CRACD: variants seen among roughly 807,000 people sequenced by gnomAD.
CRACD encodes capping protein inhibiting regulator of actin dynamics.
CRACD carries 56 observed loss-of-function variants against 106.8 expected under a neutral mutation model. The observed-to-expected ratio is 0.52, with a 90% confidence interval of 0.42 to 0.66. CRACD has a LOEUF of 0.66. Among genes scored for constraint, CRACD ranks in the 30% least tolerant of loss-of-function variants. The pLI, the probability that CRACD is intolerant of heterozygous loss-of-function variation, is 0.00. For missense variants in CRACD, 1,730 were observed against 1,623.2 expected (o/e 1.07, Z -1.13); for synonymous variants, 754 against 670.8 (o/e 1.12, Z -1.92).
chr4:56,284,292 T>TAAAAAAAAAAA (rs59270238), intron 3 of CRACD, among the ~76,000 whole-genome samples: 6 of 45,474 alleles, frequency 1.3e-4, no homozygotes, highest in African/African-American at 2.8e-4. Context: ...CATCCTAAAG[T>TAAAAAAAAAAA]AAAAAAAAAA....
intron 1 of CRACD, among the ~76,000 whole-genome samples, chr4:56,172,035 T>TTTTTTTTTTTTC (rs1736391238): frequency 6.8e-6 from 1 of 146,996 alleles, no homozygotes; most frequent in Admixed American, 6.8e-5. Flanking sequence ...TTTTTTTTTT[T>TTTTTTTTTTTTC]CAACTTTACA....
chr4:56,160,061 G>A (rs920697901), intron 1 of CRACD, among the ~76,000 whole-genome samples: 1 of 151,952 alleles, frequency 6.6e-6, no homozygotes. Context: ...GATTACAGCC[G>A]TGAGCCACTG....
At chr4:56,202,035 G>A (rs371792174) in intron 2 of CRACD, among the ~76,000 whole-genome samples, 9 of 152,346 alleles carry the variant, frequency 5.9e-5, no homozygotes, top group African/African-American at 2.2e-4. Context: ...TGTGGTACCT[G>A]TCTGTGTACT....
intron 1 of CRACD, among the ~76,000 whole-genome samples, chr4:56,172,420 G>A (rs535154456): frequency 1.8e-4 from 27 of 152,326 alleles, no homozygotes; most frequent in Middle Eastern, 3.4e-3. Context: ...CAGGCATCAT[G>A]ACTTGCAGAA....
chr4:56,315,761 C>T lies in CRACD; in HGVS notation c.2259C>T (p.Pro753=). ...TACGAAAAAGACCCATGCTGGGACC[C>T]AGCGAAGAGACAGCCCCCCAGCCTC... ...ESIRKRPMLG[P]SEETAPQPPP... is the part of the protein sequence containing the mutation. The change falls in exon 8 of 11, where the codon CCC becomes CCT. Residue 753 remains proline (P), a synonymous_variant. Transcript: ENST00000682029. This position sits in a 1 kb window ranked among gnomAD's most constrained non-coding sequence, Gnocchi z 4.1. The T allele has an allele frequency of 3.1e-6, 5 of 1,614,230 alleles. No individual in the cohort carries two copies. The highest frequency in any genetic ancestry group is 4.2e-6 in the Non-Finnish European group (5 of 1,180,042).
In CRACD at chr4:56,124,705, C is replaced by CT. The variant is rs202150886; in HGVS notation, c.-335-54571dup. On this transcript the variant is annotated intron_variant, in intron 1 of 10. Coordinates refer to ENST00000682029, the MANE Select transcript of CRACD (RefSeq NM_001393381.1). ...CTTTTAATCCATAAACATTGCCTCT[C>CT]TTTTTTTTCTTAACATTTGTTGAAG... 4.3e-3 allele frequency among the ~76,000 whole-genome samples: 653 copies of CT among 152,144 alleles called. 6 individuals carry two copies. The highest frequency in any genetic ancestry group is 0.015 in the African/African-American group (607 of 41,524).
chr4:56,280,184 C>T (rs1306382498), intron 3 of CRACD, among the ~76,000 whole-genome samples: 1 of 151,296 alleles, frequency 6.6e-6, no homozygotes, highest in Non-Finnish European at 1.5e-5. Flanking sequence ...AGGACATATA[C>T]CTAATGTTAA....
intron 1 of CRACD, among the ~76,000 whole-genome samples, chr4:56,092,053 A>G (rs1733439694): frequency 6.6e-6 from 1 of 152,178 alleles, no homozygotes; most frequent in African/African-American, 2.4e-5. Context: ...TGGGCCACAG[A>G]GTTGGGGAAG....
chr4:56,099,313 G>C (rs1733706957), intron 1 of CRACD, among the ~76,000 whole-genome samples: 1 of 152,118 alleles, frequency 6.6e-6, no homozygotes, highest in Non-Finnish European at 1.5e-5. Context: ...TGTTTCCTCT[G>C]ACTCCTTTAT....
At chr4:56,289,832 A>T (rs116411976) in intron 3 of CRACD, among the ~76,000 whole-genome samples, 192 of 152,328 alleles carry the variant, frequency 1.3e-3, no homozygotes, top group African/African-American at 4.0e-3. Context: ...TTCTCTAAGA[A>T]ATCCAAACAT....
In CRACD at chr4:56,315,428, C is replaced by T. The variant is rs1745544731; in HGVS notation, c.1926C>T (p.Pro642=). 1 of 1,612,616 alleles carries T rather than the reference C, an allele frequency of 6.2e-7. No homozygotes were observed. Among genetic ancestry groups the T allele is most frequent in the South Asian group, 1.1e-5 (1 of 91,054 alleles). ...CTGGGGAGAACCCTCCCCGAGGCCC[C>T]GGCGACGCGAGGGCGGGCAGCGGGA... is the stretch of plus-strand genomic sequence containing the variant. ...APAGENPPRG[P]GDARAGSGKA... Residue 642 remains proline, a synonymous_variant, in exon 8 of 11, where the codon CCC becomes CCT. Coordinates refer to ENST00000682029, the MANE Select transcript of CRACD (RefSeq NM_001393381.1). This position sits in a 1 kb window ranked among gnomAD's most constrained non-coding sequence, Gnocchi z 4.1.
intron 1 of CRACD, among the ~76,000 whole-genome samples, chr4:56,144,852 C>G (rs1464102208): frequency 6.6e-6 from 1 of 152,068 alleles, no homozygotes; most frequent in African/African-American, 2.4e-5. Flanking sequence ...CGGTGTTTTG[C>G]TATGTTGGCC....
At chr4:56,303,719 C>T (rs1450878979) in intron 4 of CRACD, among the ~76,000 whole-genome samples, 1 of 152,202 alleles carries the variant, frequency 6.6e-6, no homozygotes, top group African/African-American at 2.4e-5. Flanking sequence ...GGGGCGAGGC[C>T]TTGGCCTTGG....
At chr4:56,319,058 C>T (rs1745876476) in intron 8 of CRACD, among the ~76,000 whole-genome samples, 1 of 152,120 alleles carries the variant, frequency 6.6e-6, no homozygotes, top group African/African-American at 2.4e-5. Context: ...GCAGGACTTT[C>T]TCTATGCCAT....
At chr4:56,300,050 A>G (rs1220400738) in intron 4 of CRACD, among the ~76,000 whole-genome samples, 1 of 152,056 alleles carries the variant, frequency 6.6e-6, no homozygotes, top group Non-Finnish European at 1.5e-5. Flanking sequence ...AGGCAGGAGA[A>G]TCACTTGAAC....
At chr4:56,214,688 T>TATATATATATATAC (rs1489730395) in intron 2 of CRACD, among the ~76,000 whole-genome samples, 1 of 143,306 alleles carries the variant, frequency 7.0e-6, no homozygotes, top group Non-Finnish European at 1.5e-5. Flanking sequence ...TCTCTATATA[T>TATATATATATATAC]ATATATATCA....
chr4:56,172,784 C>G (rs1286025973), intron 1 of CRACD, among the ~76,000 whole-genome samples: 1 of 152,134 alleles, frequency 6.6e-6, no homozygotes, highest in African/African-American at 2.4e-5. Flanking sequence ...CCACCATGCC[C>G]AGCTAATTTT....
intron 1 of CRACD, among the ~76,000 whole-genome samples, chr4:56,143,942 A>G (rs1172973177): frequency 2.6e-5 from 4 of 152,216 alleles, no homozygotes; most frequent in African/African-American, 7.2e-5. Context: ...TGTAAATGCT[A>G]CAATGAGGGA....
chr4:56,124,086 T>G (rs1734580147), intron 1 of CRACD, among the ~76,000 whole-genome samples: 1 of 152,006 alleles, frequency 6.6e-6, no homozygotes, highest in Non-Finnish European at 1.5e-5. Flanking sequence ...TACAGGTGCC[T>G]GCCACCACAC....
Sources: gnomAD v4.1 joint callset for allele counts (sites outside exome capture counted in the v4.1 genomes callset) on GRCh38, gnomAD v4.1.1 for gene constraint, Gnocchi (gnomAD v3.1) non-coding constraint, MANE v1.5 for transcripts, NCBI Gene and HGNC (gene_info 2026-07-23, HGNC 2026-07-21) for gene names.